The following FAM185A variants were observed in gnomAD, a reference collection of about 807,000 sequenced individuals.
FAM185A encodes protein FAM185A.
FAM185A carries 21 observed loss-of-function variants against 45.7 expected under a neutral mutation model. The ratio of observed to expected loss-of-function variants is 0.46; its 90% CI spans 0.33 to 0.66. The LOEUF (loss-of-function observed/expected upper bound fraction) is 0.66, where lower values mean the gene tolerates loss of function less well. Among genes scored for constraint, FAM185A ranks in the 30% least tolerant of loss-of-function variants. The pLI is 0.03. For synonymous variants in FAM185A, 117 were observed against 194.0 expected (o/e 0.60, Z 3.30); for missense variants, 305 against 485.4 (o/e 0.63, Z 3.49).
chr7:102,768,548 C>T (rs1240316737), intron 4 of FAM185A, among the ~76,000 whole-genome samples: 1 of 139,206 alleles, frequency 7.2e-6, no homozygotes, highest in Admixed American at 7.5e-5. Context: ...CACCTCCCCA[C>T]CCCTACCCAC....
chr7:102,766,076 T>G (rs1237580543), intron 4 of FAM185A, among the ~76,000 whole-genome samples: 3 of 152,246 alleles, frequency 2.0e-5, no homozygotes, highest in African/African-American at 7.2e-5. Flanking sequence ...ATGGTTTTTC[T>G]GACTCTATTG....
At chr7:102,750,940 C>T (rs1399931036) in intron 1 of FAM185A, among the ~76,000 whole-genome samples, 1 of 152,150 alleles carries the variant, frequency 6.6e-6, no homozygotes, top group African/African-American at 2.4e-5. Context: ...GACTGCATCT[C>T]ACTCACTCTG....
chr7:102,793,622 G>A (rs1396017779), intron 7 of FAM185A, among the ~76,000 whole-genome samples: 1 of 151,772 alleles, frequency 6.6e-6, no homozygotes, highest in African/African-American at 2.4e-5. Context: ...AGAAGATCAG[G>A]TTTTCTTTCC....
intron 6 of FAM185A, among the ~76,000 whole-genome samples, chr7:102,781,682 G>A (rs1795417292): frequency 6.6e-6 from 1 of 152,034 alleles, no homozygotes; most frequent in Admixed American, 6.6e-5. Context: ...AAAGACCAAA[G>A]GTAGATAAAA....
chr7:102,839,911 T>C, the FAM185A span, among the ~76,000 whole-genome samples: 5 of 152,120 alleles, frequency 3.3e-5, no homozygotes, highest in African/African-American at 1.2e-4. Context: ...CAATATTTTC[T>C]TGTCACACCA....
chr7:102,785,643 C>T (rs1227217935), intron 6 of FAM185A, among the ~76,000 whole-genome samples: 1 of 151,486 alleles, frequency 6.6e-6, no homozygotes, highest in African/African-American at 2.4e-5. Flanking sequence ...AAAGCTGAAA[C>T]TGGATCCCTT....
At chr7:102,794,525 G>A (rs1463515762) in intron 7 of FAM185A, among the ~76,000 whole-genome samples, 2 of 152,092 alleles carry the variant, frequency 1.3e-5, no homozygotes, top group Non-Finnish European at 2.9e-5. Context: ...CAAGTGTGCA[G>A]AGAAACTGGA....
At chr7:102,810,267 C>G (rs1797356426), downstream of FAM185A, among the ~76,000 whole-genome samples, 2 of 152,200 alleles carry the variant, frequency 1.3e-5, no homozygotes, top group Admixed American at 1.3e-4. Flanking sequence ...GGGTCTTGCT[C>G]TGCCACTCAG....
At chr7:102,793,152 C>T (rs1796235412) in intron 7 of FAM185A, among the ~76,000 whole-genome samples, 1 of 152,104 alleles carries the variant, frequency 6.6e-6, no homozygotes, top group Admixed American at 6.5e-5. Context: ...AATACTTTGA[C>T]AGGGAGTTAA....
intron 3 of FAM185A, among the ~76,000 whole-genome samples, chr7:102,758,179 A>G (rs1793877542): frequency 6.6e-6 from 1 of 152,126 alleles, no homozygotes; most frequent in Non-Finnish European, 1.5e-5. Context: ...GAATCAATAA[A>G]AACTTAAATG....
At chr7:102,809,704 A>AAAAATT (rs1797326029), downstream of FAM185A, among the ~76,000 whole-genome samples, 1 of 152,176 alleles carries the variant, frequency 6.6e-6, no homozygotes, top group Admixed American at 6.5e-5. Context: ...TCCGTCTCAA[A>AAAAATT]AAAATTAATT....
At chr7:102,788,789 C>T (rs1276717307) in intron 7 of FAM185A, among the ~76,000 whole-genome samples, 1 of 152,090 alleles carries the variant, frequency 6.6e-6, no homozygotes, top group Non-Finnish European at 1.5e-5. Flanking sequence ...TGTGTAGTAG[C>T]CTATTATTCC....
chr7:102,839,384 C>T, the FAM185A span, among the ~76,000 whole-genome samples: 7 of 152,194 alleles, frequency 4.6e-5, no homozygotes, highest in South Asian at 2.1e-4. Context: ...GTATGCTGAG[C>T]GCCAGTCCCC....
At chr7:102,786,039 T>G (rs1795771606) in intron 6 of FAM185A, among the ~76,000 whole-genome samples, 1 of 152,152 alleles carries the variant, frequency 6.6e-6, no homozygotes, top group Non-Finnish European at 1.5e-5. Flanking sequence ...CAGACACTTC[T>G]CAAAAGAAGA....
chr7:102,837,343 T>A, the FAM185A span, among the ~76,000 whole-genome samples: 1 of 152,200 alleles, frequency 6.6e-6, no homozygotes, highest in Non-Finnish European at 1.5e-5. Context: ...AGAAGCTCCC[T>A]GTTTTAAAAC....
rs752474935 is a variant in FAM185A, at chr7:102,757,818, T to C, written c.562-36T>C. 1.4e-5 allele frequency: 21 copies of C among 1,459,830 alleles called. No homozygotes were observed. The South Asian group carries it at 2.6e-4, about 18-fold the overall frequency. 90.4% of individuals were successfully genotyped at this position (1,459,830 alleles called of 1,614,324 possible). A position where few individuals can be genotyped will look rare whatever the true frequency, so the allele number is the denominator to read the frequency against. On this transcript the variant is annotated intron_variant, in intron 2 of 7. Coordinates refer to ENST00000413034, the MANE Select transcript of FAM185A (RefSeq NM_001145268.2). ...ACTAGTATAAGTCACACTTACTCTC[T>C]TTTTCACTATATGTATTTTTAAATT...
the FAM185A span, among the ~76,000 whole-genome samples, chr7:102,830,261 G>A: frequency 6.6e-6 from 1 of 152,258 alleles, no homozygotes; most frequent in South Asian, 2.1e-4. Flanking sequence ...TGTTTGCACT[G>A]GAGCCTTTTC....
chr7:102,841,618 T>C, the FAM185A span, among the ~76,000 whole-genome samples: 1 of 152,228 alleles, frequency 6.6e-6, no homozygotes, highest in African/African-American at 2.4e-5. Flanking sequence ...TCCCACATCC[T>C]TTGAAGTCTA....
chr7:102,815,986 GC>G, the FAM185A span, among the ~76,000 whole-genome samples: 1 of 152,192 alleles, frequency 6.6e-6, no homozygotes, highest in African/African-American at 2.4e-5. Context: ...CTCATTTAAT[GC>G]AGTGTGATGG....
Sources: allele counts gnomAD v4.1 joint callset (sites outside exome capture counted in the v4.1 genomes callset), GRCh38; gene constraint gnomAD v4.1.1; transcripts MANE v1.5; gene names NCBI Gene and HGNC (gene_info 2026-07-23, HGNC 2026-07-21).